VPS35L: variants seen among roughly 807,000 people sequenced by gnomAD.
VPS35L encodes VPS35 endosomal protein-sorting factor-like.
Under a neutral mutation model 133.0 loss-of-function variants are expected in VPS35L, and 83 were observed. The ratio of observed to expected loss-of-function variants is 0.62; its 90% CI spans 0.52 to 0.75. The LOEUF is 0.75. Among genes scored for constraint, VPS35L ranks in the 30% least tolerant of loss-of-function variants. The probability of loss-of-function intolerance (pLI) is 0.00; values close to 1 mark genes in which losing one functional copy is unlikely to be tolerated. For synonymous variants in VPS35L, 423 were observed against 449.9 expected, an observed-to-expected ratio of 0.94 and a Z score of 0.76; for missense variants, 1,083 against 1,206.8, an observed-to-expected ratio of 0.90 and a Z score of 1.52.
intron 14 of VPS35L, among the ~76,000 whole-genome samples, chr16:19,622,136 A>G (rs967465194): frequency 5.9e-4 from 69 of 116,700 alleles, no homozygotes; most frequent in Non-Finnish European, 8.6e-4. Flanking sequence ...ATCTCCATGT[A>G]TATCTTTTTT....
intron 28 of VPS35L, among the ~76,000 whole-genome samples, chr16:19,690,543 A>G (rs1012661438): frequency 1.3e-5 from 2 of 152,226 alleles, no homozygotes; most frequent in East Asian, 3.9e-4. Context: ...AGAGGGTGAC[A>G]GGGCAGGCAG....
chr16:19,627,845 C>T (rs570102925), intron 16 of VPS35L, 40 bp downstream of exon 16: 9 of 1,462,872 alleles, frequency 6.2e-6, no homozygotes, highest in South Asian at 2.3e-5. Context: ...CACAAATAAG[C>T]GGTGTGTATC....
chr16:19,597,152 T>C (rs944971908), intron 8 of VPS35L, among the ~76,000 whole-genome samples: 3 of 151,982 alleles, frequency 2.0e-5, no homozygotes, highest in African/African-American at 7.3e-5. Context: ...GAGGATAACT[T>C]GAGTCCAGGA....
chr16:19,653,319 G>T (rs766719682), intron 26 of VPS35L, among the ~76,000 whole-genome samples: 4 of 152,190 alleles, frequency 2.6e-5, no homozygotes, highest in Non-Finnish European at 5.9e-5. Context: ...CCTGCAGGCC[G>T]TAACACAGAG....
rs553395929 is a variant in VPS35L, at chr16:19,566,035, C to T, written c.117+1085C>T. Among the ~76,000 whole-genome samples, 5 of 152,234 alleles carry T rather than the reference C, an allele frequency of 3.3e-5. No homozygotes were observed. The South Asian group carries it at 1.0e-3, about 32-fold the overall frequency. ...GGAGAAGAGAAGATGTGATTGTCAG[C>T]ATGGAGGCTCTGGGAATGTATGGAG... is the stretch of plus-strand genomic sequence containing the variant. On this transcript the variant is annotated intron_variant, in intron 2 of 30. Transcript: ENST00000417362.
intron 14 of VPS35L, among the ~76,000 whole-genome samples, chr16:19,623,286 C>A (rs982312667): frequency 3.9e-5 from 6 of 152,138 alleles, no homozygotes; most frequent in Admixed American, 1.3e-4. Flanking sequence ...ATCAAGGGGC[C>A]AGCAAGGTTG....
intron 26 of VPS35L, among the ~76,000 whole-genome samples, chr16:19,662,820 A>G (rs1422762271): frequency 2.0e-5 from 3 of 151,966 alleles, no homozygotes; most frequent in African/African-American, 7.3e-5. Flanking sequence ...ACAATTTCTG[A>G]CATCACCCTA....
chr16:19,559,042 G>A (rs226884), intron 1 of VPS35L, among the ~76,000 whole-genome samples: 14,838 of 152,000 alleles, frequency 0.098, 788 homozygotes, highest in African/African-American at 0.14. Flanking sequence ...AAAGCTGTGT[G>A]GTCCGATTAT....
At chr16:19,655,283 C>T (rs1047352913) in intron 26 of VPS35L, among the ~76,000 whole-genome samples, 1 of 152,258 alleles carries the variant, frequency 6.6e-6, no homozygotes, top group Middle Eastern at 3.4e-3. Flanking sequence ...AATGCTGTGG[C>T]GCTAAACCTT....
At chr16:19,577,571 CTT>C (rs1971576146) in intron 5 of VPS35L, among the ~76,000 whole-genome samples, 1 of 152,180 alleles carries the variant, frequency 6.6e-6, no homozygotes, top group African/African-American at 2.4e-5. Flanking sequence ...TTGTAGAACA[CTT>C]TTGCATTTTT....
intron 28 of VPS35L, among the ~76,000 whole-genome samples, chr16:19,688,629 C>T (rs901594935): frequency 6.6e-6 from 1 of 152,208 alleles, no homozygotes; most frequent in African/African-American, 2.4e-5. Context: ...CCACTGAGTG[C>T]TGTGTTGGCT....
At chr16:19,643,939 C>G (rs896974524) in intron 22 of VPS35L, among the ~76,000 whole-genome samples, 1 of 152,022 alleles carries the variant, frequency 6.6e-6, no homozygotes, top group Non-Finnish European at 1.5e-5. Context: ...GCCTGGGCAA[C>G]AAGAGCGAAA....
chr16:19,559,236 C>G (rs546837754), intron 1 of VPS35L, among the ~76,000 whole-genome samples: 1 of 152,154 alleles, frequency 6.6e-6, no homozygotes, highest in Non-Finnish European at 1.5e-5. Context: ...TGCATATAAA[C>G]CACCTGAGGA....
chr16:19,612,034 G>T (rs533116742), intron 12 of VPS35L, among the ~76,000 whole-genome samples: 14 of 151,804 alleles, frequency 9.2e-5, no homozygotes, highest in Non-Finnish European at 1.5e-4. Flanking sequence ...TGCCTCCAGG[G>T]TTCAAGCAAT....
At chr16:19,678,878 T>C (rs1423323408) in intron 27 of VPS35L, among the ~76,000 whole-genome samples, 1 of 152,102 alleles carries the variant, frequency 6.6e-6, no homozygotes, top group Non-Finnish European at 1.5e-5. Flanking sequence ...GTCTCCCAGC[T>C]CTTCGGTTGT....
At chr16:19,675,501 G>C (rs1021868752) in intron 27 of VPS35L, among the ~76,000 whole-genome samples, 20 of 152,084 alleles carry the variant, frequency 1.3e-4, no homozygotes, top group Admixed American at 1.1e-3. Context: ...AAGTAGCATT[G>C]CTGGGTCATG....
chr16:19,630,500 AT>A (rs1330782434), intron 18 of VPS35L, among the ~76,000 whole-genome samples: 1 of 151,422 alleles, frequency 6.6e-6, no homozygotes, highest in South Asian at 2.1e-4. Flanking sequence ...CGCCTGGCTA[AT>A]TTTTTTGTGT....
intron 2 of VPS35L, among the ~76,000 whole-genome samples, chr16:19,565,597 AC>A (rs1183499489): frequency 6.6e-6 from 1 of 152,100 alleles, no homozygotes; most frequent in East Asian, 1.9e-4. Flanking sequence ...AGGTGATCCA[AC>A]CACCTTGGCC....
intron 14 of VPS35L, among the ~76,000 whole-genome samples, chr16:19,620,976 A>G (rs1423695597): frequency 6.6e-6 from 1 of 152,092 alleles, no homozygotes; most frequent in Non-Finnish European, 1.5e-5. Context: ...AAAAAAAATA[A>G]ATAATTAAAA....
Sources: gnomAD v4.1 joint callset for allele counts (sites outside exome capture counted in the v4.1 genomes callset) on GRCh38, gnomAD v4.1.1 for gene constraint, MANE v1.5 for transcripts, NCBI Gene and HGNC (gene_info 2026-07-23, HGNC 2026-07-21) for gene names.